Variants in TSPYL1 observed in about 807,000 individuals in gnomAD.
TSPYL1 encodes TSPY like 1.
A neutral mutation model predicts 20.1 loss-of-function variants in TSPYL1; 16 were observed. That is an observed-to-expected ratio of 0.80 (90% CI 0.54 to 1.21). The LOEUF (loss-of-function observed/expected upper bound fraction) is 1.21. TSPYL1 is among the 50% of genes most tolerant of loss of function. The probability of loss-of-function intolerance (pLI) is 0.00; values close to 1 mark genes in which losing one functional copy is unlikely to be tolerated. For synonymous variants in TSPYL1, 259 were observed against 227.1 expected (o/e 1.14, Z -1.26); for missense variants, 560 against 569.3 (o/e 0.98, Z 0.17).
chr6:116,279,322 C>A lies in TSPYL1; in HGVS notation c.509G>T (p.Arg170Met), dbSNP rs1269924655. The part of the protein sequence containing the change: ...CATVSAAVAE[R>M]ESAEVVKEGL... ...TTCCTTCACCACCTCAGCGCTCTCC[C>A]TCTCAGCCACGGCTGCTGAGACGGT... The change falls in exon 1 of 1, where the codon AGG becomes ATG. Residue 170 changes from arginine to methionine, a missense_variant. Transcript: ENST00000368608. The A allele has an allele frequency of 3.1e-6, 5 of 1,610,436 alleles. No homozygotes were observed.
rs1461935553 is a variant in TSPYL1 at position 116,277,391 on chromosome 6, A to G, written c.*1126T>C. The G allele has an allele frequency of 1.3e-5, 2 of 152,576 alleles. No individual in the cohort carries two copies. The highest frequency in any genetic ancestry group is 4.8e-5 in the African/African-American group (2 of 41,406). The allele number at this position is 152,576 out of a possible 1,614,324, so 9.5% of individuals were successfully genotyped here. A position where few individuals can be genotyped will look rare whatever the true frequency, so the allele number is the denominator to read the frequency against. On this transcript the variant is annotated 3_prime_UTR_variant, in exon 1 of 1. Transcript: ENST00000368608. ...CAGCACAGTCTTCACTCTAGGCCCA[A>G]TTTTTACCTGGCCCATGCCTCTAGC...
In TSPYL1 at chr6:116,278,557, G is replaced by C; in HGVS notation, c.1274C>G (p.Pro425Arg). The C allele has an allele frequency of 6.2e-7, 1 of 1,614,196 alleles. No homozygotes were observed. Among genetic ancestry groups the C allele is most frequent in the Non-Finnish European group, 8.5e-7 (1 of 1,180,026 alleles). Residue 425 changes from proline (P) to arginine (R), a missense_variant, in exon 1 of 1, where the codon CCT becomes CGT. Transcript: ENST00000368608. ...CCCAAAGGGCCTGGGGATCTCTACA[G>C]GCTCCCTTAGCGGGCGACGTCGGGC... ...RRARRRPLREPVEIPRPFGFQ... is the reference protein window; with the variant it reads ...RRARRRPLRERVEIPRPFGFQ...
Position 116,279,084 on chromosome 6 carries a change from G to A in TSPYL1, c.747C>T (p.Ala249=), listed in dbSNP as rs766748816. Reference sequence around the variant, plus strand: ...CAAACTTGTGCTCCAGCTGTTGGAAGGCCCTGTCGGCCTGAGCATTCACAG... The same window carrying A: ...CAAACTTGTGCTCCAGCTGTTGGAAAGCCCTGTCGGCCTGAGCATTCACAG... ...LDTVNAQADR[A]FQQLEHKFGR... The change falls in exon 1 of 1, where the codon GCC becomes GCT. Residue 249 remains alanine (A), a synonymous_variant. Transcript: ENST00000368608. The A allele has an allele frequency of 1.8e-5, 29 of 1,613,422 alleles. No individual in the cohort carries two copies. Among genetic ancestry groups the A allele is most frequent in the Middle Eastern group, 1.6e-4 (1 of 6,080 alleles).
At position 116,279,512 on chromosome 6, in the gene TSPYL1, C is replaced by T. The variant is rs778066670; in HGVS notation, c.319G>A (p.Gly107Ser). The change falls in exon 1 of 1, where the codon GGC (glycine) becomes AGC (serine). Residue 107 changes from glycine (G) to serine (S), a missense_variant. Physicochemically the swap from Gly to Ser is moderately conservative, Grantham distance 56. Coordinates refer to ENST00000368608, the MANE Select transcript of TSPYL1 (RefSeq NM_003309.4). ...ATCACCACAGAAGCGGCTGCCAGGC[C>T]TTCGGCGGGAGGCTGGCCCTCTTCC... Reference protein sequence around the residue: ...GQEEGQPPAEGLAAASVVMAA... With the variant: ...GQEEGQPPAESLAAASVVMAA... The T allele has an allele frequency of 2.5e-6, 4 of 1,609,290 alleles. No homozygotes were observed. In the East Asian group the frequency reaches 8.9e-5, roughly 36 times the overall value.
Position 116,278,807 on chromosome 6 carries a change from C to A in TSPYL1, c.1024G>T (p.Val342Leu), listed in dbSNP as rs1773295199. ...RNKLIVKEYE[V>L]RSSGRVVSLS... is the part of the protein sequence containing the mutation. ...GACACCACTCGGCCGGAGGATCTTA[C>A]CTCATATTCCTTGACAATCAGCTTG... is the stretch of plus-strand genomic sequence containing the variant. Residue 342 changes from valine to leucine, a missense_variant, in exon 1 of 1, where the codon GTA (valine) becomes TTA (leucine). Physicochemically the swap from Val to Leu is conservative, Grantham distance 32 (BLOSUM62 1). Transcript: ENST00000368608. 2 of 1,614,012 alleles carry A rather than the reference C, an allele frequency of 1.2e-6. No homozygotes were observed. The highest frequency in any genetic ancestry group is 1.3e-5 in the African/African-American group (1 of 74,898).
In TSPYL1 at chr6:116,279,207, A is replaced by G. The variant is rs750322697; in HGVS notation, c.624T>C (p.Asp208=). 2 of 1,609,698 alleles carry G rather than the reference A, an allele frequency of 1.2e-6. No individual in the cohort carries two copies. The highest frequency in any genetic ancestry group is 2.2e-5 in the South Asian group (2 of 91,010). Residue 208 remains aspartate (D), a synonymous_variant, in exon 1 of 1, where the codon GAT becomes GAC. Coordinates refer to ENST00000368608, the MANE Select transcript of TSPYL1 (RefSeq NM_003309.4). ...CCTCCCTCGCCTCCTCCTCCAATCT[A>G]TCCTCCTCCGCCACTTCTATTTCTT... ...EGEEIEVAEE[D]RLEEEAREEE...
Position 116,275,153 on chromosome 6 carries a change from A to T in TSPYL1, c.*3364T>A, listed in dbSNP as rs1268936474. On this transcript the variant is annotated 3_prime_UTR_variant, in exon 1 of 1. Coordinates refer to ENST00000368608, the MANE Select transcript of TSPYL1 (RefSeq NM_003309.4). Reference sequence around the variant, plus strand: ...TCTCAATTCAGACTAGCCACATTTCAAGTGCTCAATAGCCACTGGTGGCTA... The same window carrying T: ...TCTCAATTCAGACTAGCCACATTTCTAGTGCTCAATAGCCACTGGTGGCTA... Among the ~76,000 whole-genome samples the T allele has an allele frequency of 1.3e-5, 2 of 152,238 alleles. No homozygotes were observed. The highest frequency in any genetic ancestry group is 2.9e-5 in the Non-Finnish European group (2 of 68,040).
Position 116,279,408 on chromosome 6 carries a change from C to T in TSPYL1, c.423G>A (p.Ala141=). 6.2e-7 allele frequency: 1 copy of T among 1,613,328 alleles called. No homozygotes were observed. Among genetic ancestry groups the T allele is most frequent in the Non-Finnish European group, 8.5e-7 (1 of 1,180,038 alleles). Residue 141 remains alanine (A), a synonymous_variant, in exon 1 of 1, where the codon GCG becomes GCA. Coordinates refer to ENST00000368608, the MANE Select transcript of TSPYL1 (RefSeq NM_003309.4). The part of the protein sequence containing the change: ...ALEICGAQRS[A]SELTAGAEAE... ...CCTCCGCCCCCGCCGTCAGCTCAGACGCGGATCTCTGGGCGCCACAGATTT... is the reference window on the plus strand; with the variant it reads ...CCTCCGCCCCCGCCGTCAGCTCAGATGCGGATCTCTGGGCGCCACAGATTT...
At position 116,279,365 on chromosome 6, in the gene TSPYL1, TCAC is replaced by T. The variant is rs1773342597; in HGVS notation, c.463_465del (p.Val155del). On this transcript the variant is annotated inframe_deletion, in exon 1 of 1. Transcript: ENST00000368608. ...GAGACGGTGGCGCACTTTCCTGTCT[TCAC>T]CTCCTCCGCCTCAGCCTCCGCCCCC... The T allele has an allele frequency of 1.2e-6, 2 of 1,612,050 alleles. No individual in the cohort carries two copies. The highest frequency in any genetic ancestry group is 1.3e-5 in the African/African-American group (1 of 75,006).
At position 116,276,754 on chromosome 6, in the gene TSPYL1, A is replaced by G. The variant is rs73548920; in HGVS notation, c.*1763T>C. 939 of 152,364 alleles carry G rather than the reference A, an allele frequency of 6.2e-3. 7 individuals are homozygous for G. Among genetic ancestry groups the G allele is most frequent in the African/African-American group, 0.021 (888 of 41,590 alleles). 9.4% of individuals were successfully genotyped at this position (152,364 alleles called of 1,614,324 possible). A position where few individuals can be genotyped will look rare whatever the true frequency, so the allele number is the denominator to read the frequency against. On this transcript the variant is annotated 3_prime_UTR_variant, in exon 1 of 1. Coordinates refer to ENST00000368608, the MANE Select transcript of TSPYL1 (RefSeq NM_003309.4). Reference sequence around the variant, plus strand: ...CAGAACAACATGCTTTTATTTTACCATCATGCATAAAAAGGAAGACAAATA... The same window carrying G: ...CAGAACAACATGCTTTTATTTTACCGTCATGCATAAAAAGGAAGACAAATA...
chr6:116,278,707 C>A lies in TSPYL1; in HGVS notation c.1124G>T (p.Cys375Phe), dbSNP rs1366072220. 1 of 1,614,160 alleles carries A rather than the reference C, an allele frequency of 6.2e-7. No individual in the cohort carries two copies. The highest frequency in any genetic ancestry group is 8.5e-7 in the Non-Finnish European group (1 of 1,180,032). ...GTCTGAAAACCAAGTGAAGAAGCTG[C>A]AGATGAGGTCTTGGTTTCTGCGAAT... ...SFIRRNQDLI[C>F]SFFTWFSDHS... The change falls in exon 1 of 1, where the codon TGC becomes TTC. Residue 375 changes from cysteine (C) to phenylalanine (F), a missense_variant. Transcript: ENST00000368608.
rs1315981272 is a variant in TSPYL1, at chr6:116,278,644, A to G, written c.1187T>C (p.Ile396Thr). The change falls in exon 1 of 1, where the codon ATT (isoleucine) becomes ACT (threonine). Residue 396 changes from isoleucine (I) to threonine (T), a missense_variant. Transcript: ENST00000368608. ...TGGATTTGGCCACAGATCCTCTTTA[A>G]TAATCTCAGCAATTTTGTCGGACTC... ...LPESDKIAEI[I>T]KEDLWPNPLQ... 1 of 1,614,200 alleles carries G rather than the reference A, an allele frequency of 6.2e-7. No individual in the cohort carries two copies. The highest frequency in any genetic ancestry group is 2.2e-5 in the East Asian group (1 of 44,888).
In TSPYL1 at chr6:116,279,458, C is replaced by T. The variant is rs201325694; in HGVS notation, c.373G>A (p.Val125Ile). The T allele has an allele frequency of 6.2e-7, 1 of 1,613,252 alleles. No individual in the cohort carries two copies. Among genetic ancestry groups the T allele is most frequent in the East Asian group, 2.2e-5 (1 of 44,886 alleles). Residue 125 changes from valine to isoleucine, a missense_variant, in exon 1 of 1, where the codon GTT becomes ATT. Physicochemically the swap from Val to Ile is conservative, Grantham distance 29. Transcript: ENST00000368608. ...MAADRSLKKG[V>I]QGGEKALEIC... Reference sequence around the variant, plus strand: ...TCTAGGGCCTTCTCTCCACCCTGAACGCCCTTTTTCAGGCTGCGGTCGGCT... The same window carrying T: ...TCTAGGGCCTTCTCTCCACCCTGAATGCCCTTTTTCAGGCTGCGGTCGGCT...
In TSPYL1 at chr6:116,279,492, C is replaced by A. The variant is rs1259324233; in HGVS notation, c.339G>T (p.Val113=). The A allele has an allele frequency of 6.2e-7, 1 of 1,611,486 alleles. No individual in the cohort carries two copies. The highest frequency in any genetic ancestry group is 1.3e-5 in the African/African-American group (1 of 74,944). ...TCAGGCTGCGGTCGGCTGCCATCAC[C>A]ACAGAAGCGGCTGCCAGGCCTTCGG... ...PPAEGLAAAS[V]VMAADRSLKK... is the part of the protein sequence containing the mutation. Residue 113 remains valine, a synonymous_variant, in exon 1 of 1, where the codon GTG becomes GTT. Transcript: ENST00000368608.
chr6:116,276,380 G>A lies in TSPYL1; in HGVS notation c.*2137C>T, dbSNP rs1450092120. ...GGAGGATTTGAGCAACTGAAGGGGA[G>A]GTTGTGCTGCATAAACTACATGGAA... On this transcript the variant is annotated 3_prime_UTR_variant, in exon 1 of 1. Transcript: ENST00000368608. Among the ~76,000 whole-genome samples, 1 of 152,178 alleles carries A rather than the reference G, an allele frequency of 6.6e-6. No individual in the cohort carries two copies. Among genetic ancestry groups the A allele is most frequent in the Non-Finnish European group, 1.5e-5 (1 of 68,038 alleles).
In TSPYL1 at chr6:116,279,757, G is replaced by A; in HGVS notation, c.74C>T (p.Pro25Leu). Residue 25 changes from proline to leucine, a missense_variant, in exon 1 of 1, where the codon CCG becomes CTG. Physicochemically the swap from Pro to Leu is moderately conservative, Grantham distance 98. Transcript: ENST00000368608. ...GTACTGGTGTGCGTCCTGGTCGCTC[G>A]GGACTTGGTCAGAAATAATGATGCT... The part of the protein sequence containing the change: ...THSIIISDQV[P>L]SDQDAHQYLR... 1 of 1,612,196 alleles carries A rather than the reference G, an allele frequency of 6.2e-7. No individual in the cohort carries two copies. Among genetic ancestry groups the A allele is most frequent in the Non-Finnish European group, 8.5e-7 (1 of 1,180,024 alleles).
At position 116,279,564 on chromosome 6, in the gene TSPYL1, G is replaced by A; in HGVS notation, c.267C>T (p.Arg89=). The A allele has an allele frequency of 6.2e-7, 1 of 1,602,958 alleles. No individual in the cohort carries two copies. Among genetic ancestry groups the A allele is most frequent in the Non-Finnish European group, 8.5e-7 (1 of 1,179,932 alleles). The change falls in exon 1 of 1, where the codon CGC becomes CGT. Residue 89 remains arginine, a synonymous_variant. Transcript: ENST00000368608. ...GTPQIRVVGG[R]GHVAIKAGQE... ...GCCCGGCTTTGATCGCCACATGACC[G>A]CGACCCCCAACAACTCGGATCTGGG...
At position 116,279,101 on chromosome 6, in the gene TSPYL1, C is replaced by A; in HGVS notation, c.730G>T (p.Ala244Ser). The change falls in exon 1 of 1, where the codon GCT (alanine) becomes TCT (serine). Residue 244 changes from alanine (A) to serine (S), a missense_variant. Physicochemically the swap from Ala to Ser is moderately conservative, Grantham distance 99. Coordinates refer to ENST00000368608, the MANE Select transcript of TSPYL1 (RefSeq NM_003309.4). ...AIQLELDTVN[A>S]QADRAFQQLE... is the part of the protein sequence containing the mutation. Reference sequence around the variant, plus strand: ...TGTTGGAAGGCCCTGTCGGCCTGAGCATTCACAGTGTCCAGTTCCAGCTGG... The same window carrying A: ...TGTTGGAAGGCCCTGTCGGCCTGAGAATTCACAGTGTCCAGTTCCAGCTGG... 1.9e-6 allele frequency: 3 copies of A among 1,614,078 alleles called. No homozygotes were observed. Among genetic ancestry groups the A allele is most frequent in the Non-Finnish European group, 2.5e-6 (3 of 1,179,942 alleles).
Position 116,279,693 on chromosome 6 carries a change from C to T in TSPYL1, c.138G>A (p.Met46Ile). The T allele has an allele frequency of 6.2e-7, 1 of 1,610,596 alleles. No homozygotes were observed. The highest frequency in any genetic ancestry group is 1.1e-5 in the South Asian group (1 of 91,088). ...LRDQSEATQV[M>I]AEPGEGGSET... ...CCGAGCCTCCCTCACCCGGCTCCGC[C>T]ATCACCTGTGTCGCCTCGCTTTGGT... is the stretch of plus-strand genomic sequence containing the variant. The change falls in exon 1 of 1, where the codon ATG (methionine) becomes ATA (isoleucine). Residue 46 changes from methionine (M) to isoleucine (I), a missense_variant. Met to Ile is a conservative substitution (Grantham distance 10). Transcript: ENST00000368608.
Sources: allele counts gnomAD v4.1 joint callset (sites outside exome capture counted in the v4.1 genomes callset), GRCh38; gene constraint gnomAD v4.1.1; transcripts MANE v1.5; gene names NCBI Gene and HGNC (gene_info 2026-07-23, HGNC 2026-07-21).